The following CCT6A variants were observed in gnomAD, a reference collection of about 807,000 sequenced individuals.
CCT6A encodes the protein chaperonin containing TCP1 subunit 6A.
CCT6A carries 6 observed loss-of-function variants against 58.6 expected under a neutral mutation model. The observed-to-expected ratio is 0.10, with a 90% CI of 0.06 to 0.20. CCT6A has a LOEUF of 0.20. Ranked by LOEUF, CCT6A falls within the 10% of genes least tolerant of loss-of-function variation. The pLI, the probability that CCT6A is intolerant of heterozygous loss-of-function variation, is 1.00. For missense variants in CCT6A, 516 were observed against 648.8 expected, an observed-to-expected ratio of 0.80 and a Z score of 2.22; for synonymous variants, 245 against 227.8, an observed-to-expected ratio of 1.08 and a Z score of -0.68.
At position 56,051,822 on chromosome 7, in the gene CCT6A, G is replaced by A. The variant is rs563602633; in HGVS notation, c.-27G>A. ...GCGCCGGCTCTGGGCACTCAGCATCGTTTCCTTTTCCTCCGCTGGAGCAGC... is the reference window on the plus strand; with the variant it reads ...GCGCCGGCTCTGGGCACTCAGCATCATTTCCTTTTCCTCCGCTGGAGCAGC... On this transcript the variant is annotated 5_prime_UTR_variant, in exon 1 of 14. Coordinates refer to ENST00000275603, the MANE Select transcript of CCT6A (RefSeq NM_001762.4). 7 of 1,549,130 alleles carry A rather than the reference G, an allele frequency of 4.5e-6. No homozygotes were observed. The highest frequency in any genetic ancestry group is 3.9e-5 in the Admixed American group (2 of 51,298).
intron 8 of CCT6A, 106 bp downstream of exon 8, chr7:56,058,808 T>A: frequency 1.5e-6 from 1 of 686,558 alleles, no homozygotes; most frequent in Non-Finnish European, 2.6e-6. Context: ...TAATTGGCAT[T>A]AACTATATTC....
intron 9 of CCT6A, chr7:56,059,911 A>G (rs1794396706): frequency 2.4e-6 from 1 of 408,272 alleles, no homozygotes; most frequent in East Asian, 4.6e-5. Context: ...TGTGTTGCCC[A>G]GGCTGGTCTT....
chr7:56,051,801 C>T lies in CCT6A; in HGVS notation c.-48C>T, dbSNP rs1289136670. 9.8e-6 allele frequency: 15 copies of T among 1,537,752 alleles called. No individual in the cohort carries two copies. Among genetic ancestry groups the T allele is most frequent in the South Asian group, 2.4e-5 (2 of 83,632 alleles). ...ATAGTTCCTCCCGGCCACGCCGCGC[C>T]GGCTCTGGGCACTCAGCATCGTTTC... On this transcript the variant is annotated 5_prime_UTR_variant, in exon 1 of 14. Coordinates refer to ENST00000275603, the MANE Select transcript of CCT6A (RefSeq NM_001762.4).
At position 56,061,668 on chromosome 7, in the gene CCT6A, CTTTTTTTTTTTTTT is replaced by C. The variant is rs71015174; in HGVS notation, c.1348-66_1348-53del. The C allele has an allele frequency of 3.1e-4, 96 of 312,662 alleles. 1 individual carries two copies. Among genetic ancestry groups the C allele is most frequent in the Admixed American group, 4.1e-4 (6 of 14,646 alleles). 19.4% of individuals were successfully genotyped at this position (312,662 alleles called of 1,614,324 possible). ...GGCCGAGATTTTCTTTTTCTTTTTT[CTTTTTTTTTTTTTT>C]TTTTTTTTTTTTACTATCAGTTATT... On this transcript the variant is annotated intron_variant, in intron 11 of 13. Transcript: ENST00000275603.
intron 2 of CCT6A, among the ~76,000 whole-genome samples, chr7:56,053,829 C>T (rs186575012): frequency 3.3e-5 from 5 of 152,246 alleles, no homozygotes; most frequent in Admixed American, 6.5e-5. Context: ...GCACATTGAA[C>T]ATTTACAATT....
rs2117343400 is a variant in CCT6A, at chr7:56,058,617, C to T, written c.886-3C>T. The T allele has an allele frequency of 5.6e-6, 9 of 1,600,446 alleles. No individual in the cohort carries two copies. The highest frequency in any genetic ancestry group is 7.7e-6 in the Non-Finnish European group (9 of 1,169,882). On this transcript the variant is annotated splice_region_variant and splice_polypyrimidine_tract_variant and intron_variant, in intron 7 of 13. Coordinates refer to ENST00000275603, the MANE Select transcript of CCT6A (RefSeq NM_001762.4). ...TTGAAATTAATTTTTATTTTTGTTA[C>T]AGGGAATTGACCCCTTTTCCTTAGA...
chr7:56,056,299 C>G lies in CCT6A; in HGVS notation c.511-12C>G, dbSNP rs760595301. 1 of 1,360,574 alleles carries G rather than the reference C, an allele frequency of 7.3e-7. No homozygotes were observed. Among genetic ancestry groups the G allele is most frequent in the Non-Finnish European group, 1.1e-6 (1 of 948,716 alleles). 84.3% of individuals were successfully genotyped at this position (1,360,574 alleles called of 1,614,324 possible). ...TTGAATTTACTTAACGGTTATGCTC[C>G]TCCAATTGCAGGCTGTAGTGGACTC... On this transcript the variant is annotated splice_polypyrimidine_tract_variant and intron_variant, in intron 4 of 13. Transcript: ENST00000275603.
intron 2 of CCT6A, among the ~76,000 whole-genome samples, chr7:56,054,112 T>C (rs1584546727): frequency 6.6e-6 from 1 of 152,350 alleles, no homozygotes; most frequent in East Asian, 1.9e-4. Context: ...AGCTCTGTCA[T>C]CTTGAGTAAA....
chr7:56,059,918 T>G (rs1466744042), intron 9 of CCT6A: 2 of 407,686 alleles, frequency 4.9e-6, no homozygotes, highest in South Asian at 3.3e-5. Flanking sequence ...CCCAGGCTGG[T>G]CTTAAACTCC....
chr7:56,062,994 A>G lies in CCT6A; in HGVS notation c.1524-19A>G. The G allele has an allele frequency of 6.3e-7, 1 of 1,596,072 alleles. No individual in the cohort carries two copies. Among genetic ancestry groups the G allele is most frequent in the Non-Finnish European group, 8.6e-7 (1 of 1,163,670 alleles). Reference sequence around the variant, plus strand: ...GGCTCCTAATCATCTGAGCCATCTTATTTTTGTCCCCCTTTCAGCACTGTG... The same window carrying G: ...GGCTCCTAATCATCTGAGCCATCTTGTTTTTGTCCCCCTTTCAGCACTGTG... On this transcript the variant is annotated intron_variant, in intron 13 of 13. Transcript: ENST00000275603.
chr7:56,053,897 C>A (rs912660419), intron 2 of CCT6A, among the ~76,000 whole-genome samples: 6 of 152,206 alleles, frequency 3.9e-5, no homozygotes, highest in African/African-American at 1.4e-4. Context: ...TAAATTGTTG[C>A]TACCACCTCA....
chr7:56,062,840 C>T, intron 13 of CCT6A, 85 bp downstream of exon 13: 1 of 1,248,362 alleles, frequency 8.0e-7, no homozygotes, highest in African/African-American at 1.5e-5. Context: ...TCCTTTCCCC[C>T]ATGAATAATG....
At chr7:56,059,953 C>T (rs1280467704) in intron 9 of CCT6A, 7 of 422,194 alleles carry the variant, frequency 1.7e-5, no homozygotes, top group Admixed American at 8.0e-5. Context: ...CCTTCACCCT[C>T]AGCCTCCCAA....
intron 12 of CCT6A, 35 bp from the exon 13 acceptor site, chr7:56,062,644 TACTG>T (rs774739873): frequency 2.6e-6 from 4 of 1,531,634 alleles, no homozygotes; most frequent in Middle Eastern, 1.7e-4. Context: ...TGTTGGTTCT[TACTG>T]ACTGAACTTA....
Position 56,060,318 on chromosome 7 carries a change from T to C in CCT6A, c.1115T>C (p.Val372Ala). The C allele has an allele frequency of 6.2e-7, 1 of 1,613,928 alleles. No individual in the cohort carries two copies. The highest frequency in any genetic ancestry group is 1.1e-5 in the South Asian group (1 of 91,074). Reference sequence around the variant, plus strand: ...GAGAAATGTAACAACCCTCGTTCTGTCACATTATTGATCAAAGGACCAAAT... The same window carrying C: ...GAGAAATGTAACAACCCTCGTTCTGCCACATTATTGATCAAAGGACCAAAT... ...FIEKCNNPRS[V>A]TLLIKGPNKH... Residue 372 changes from valine (V) to alanine (A), a missense_variant, in exon 10 of 14, where the codon GTC (valine) becomes GCC (alanine). By Grantham distance (64) the Val-to-Ala change is moderately conservative. Transcript: ENST00000275603.
rs866512455 is a variant in CCT6A, at chr7:56,061,676, T to C, written c.1348-71T>C. ...TTTTCTTTTTCTTTTTTCTTTTTTTTTTTTTTTTTTTTTTTTTTACTATCA... is the reference window on the plus strand; with the variant it reads ...TTTTCTTTTTCTTTTTTCTTTTTTTCTTTTTTTTTTTTTTTTTTACTATCA... On this transcript the variant is annotated intron_variant, in intron 11 of 13. Transcript: ENST00000275603. 1,689 of 266,230 alleles carry C rather than the reference T, an allele frequency of 6.3e-3. 23 individuals carry two copies. The highest frequency in any genetic ancestry group is 9.3e-3 in the South Asian group (172 of 18,422). 16.5% of individuals were successfully genotyped at this position (266,230 alleles called of 1,614,324 possible). A position where few individuals can be genotyped will look rare whatever the true frequency, so the allele number is the denominator to read the frequency against.
rs145709363 is a variant in CCT6A at position 56,055,703 on chromosome 7, T to C, written c.416T>C (p.Val139Ala). 13 of 1,613,532 alleles carry C rather than the reference T, an allele frequency of 8.1e-6. No homozygotes were observed. The African/African-American group carries it at 9.3e-5, about 12-fold the overall frequency. Residue 139 changes from valine to alanine, a missense_variant, in exon 4 of 14, where the codon GTA (valine) becomes GCA (alanine). By Grantham distance (64) the Val-to-Ala change is moderately conservative (BLOSUM62 0). Coordinates refer to ENST00000275603, the MANE Select transcript of CCT6A (RefSeq NM_001762.4). ...KALQFLEEVK[V>A]SREMDRETLI... is the part of the protein sequence containing the mutation. ...CTTCAGTTTTTGGAAGAAGTCAAAG[T>C]AAGCAGAGAGATGGACAGGGAAACA...
chr7:56,058,799 A>G, intron 8 of CCT6A, 97 bp downstream of exon 8: 1 of 724,908 alleles, frequency 1.4e-6, no homozygotes. Context: ...CTGTATAGTT[A>G]ATTGGCATTA....
intron 3 of CCT6A, 162 bp from the exon 4 acceptor site, chr7:56,055,462 A>G (rs1794285649): frequency 7.1e-6 from 5 of 704,848 alleles, no homozygotes; most frequent in Non-Finnish European, 1.3e-5. Flanking sequence ...ATTGAAAGGA[A>G]TATTTGTCCT....
Sources: gnomAD v4.1 joint callset for allele counts (sites outside exome capture counted in the v4.1 genomes callset) on GRCh38, gnomAD v4.1.1 for gene constraint, MANE v1.5 for transcripts, NCBI Gene and HGNC (gene_info 2026-07-23, HGNC 2026-07-21) for gene names.